Variants in TNR observed in about 807,000 individuals in gnomAD.
The protein encoded by TNR is tenascin-R.
In TNR, 45 loss-of-function variants were observed where a neutral mutation model predicts 150.4. That is an observed-to-expected ratio of 0.30 (90% CI 0.24 to 0.38). TNR has a LOEUF of 0.38. Among genes scored for constraint, TNR ranks in the 10% least tolerant of loss-of-function variants. The pLI is 1.00. For missense variants in TNR, 1,544 were observed against 1,759.1 expected (o/e 0.88, Z 2.19); for synonymous variants, 687 against 678.4 (o/e 1.01, Z -0.20).
At chr1:175,696,823 G>A (rs1366413131) in intron 1 of TNR, among the ~76,000 whole-genome samples, 1 of 151,508 alleles carries the variant, frequency 6.6e-6, no homozygotes, top group Non-Finnish European at 1.5e-5. Flanking sequence ...AGGTTACAGT[G>A]GGCCGAGATC....
chr1:175,617,336 G>T (rs74433552), intron 1 of TNR, among the ~76,000 whole-genome samples: 1 of 152,194 alleles, frequency 6.6e-6, no homozygotes, highest in African/African-American at 2.4e-5. Flanking sequence ...TTAGTCAGAC[G>T]TGAGTGTCTG....
At chr1:175,438,539 CA>C (rs1490182651) in intron 2 of TNR, among the ~76,000 whole-genome samples, 1 of 151,998 alleles carries the variant, frequency 6.6e-6, no homozygotes, top group Non-Finnish European at 1.5e-5. Context: ...GGCAATCAGG[CA>C]GGAGAAGGAA....
At chr1:175,648,658 T>C (rs981193518) in intron 1 of TNR, among the ~76,000 whole-genome samples, 3 of 152,112 alleles carry the variant, frequency 2.0e-5, no homozygotes, top group African/African-American at 7.2e-5. Flanking sequence ...AGAAGCCCTT[T>C]CTCCTTCTGT....
At chr1:175,428,541 A>T (rs559416574) in intron 2 of TNR, among the ~76,000 whole-genome samples, 13 of 152,348 alleles carry the variant, frequency 8.5e-5, no homozygotes, top group Admixed American at 6.5e-5. Flanking sequence ...TATTATTGTC[A>T]TCTTCATATT....
intron 2 of TNR, among the ~76,000 whole-genome samples, chr1:175,472,983 G>A (rs969928517): frequency 6.6e-6 from 1 of 152,196 alleles, no homozygotes; most frequent in Non-Finnish European, 1.5e-5. Flanking sequence ...AGAATAGAAG[G>A]CTTTGGAGCA....
At position 175,391,326 on chromosome 1, in the gene TNR, T is replaced by C; in HGVS notation, c.1469A>G (p.Gln490Arg). 1 of 1,614,168 alleles carries C rather than the reference T, an allele frequency of 6.2e-7. No individual in the cohort carries two copies. Among genetic ancestry groups the C allele is most frequent in the East Asian group, 2.2e-5 (1 of 44,882 alleles). The change falls in exon 7 of 23, where the codon CAG becomes CGG. Residue 490 changes from glutamine (Q) to arginine (R), a missense_variant. Transcript: ENST00000367674. The stretch of plus-strand genomic sequence containing the variant: ...GGCCGAGGTAGGGGGGCTGCGGGCC[T>C]GTTCTTTCAGAGCCACCACATTGAC... ...YIVNVVALKE[Q>R]ARSPPTSASV...
At chr1:175,626,931 G>C (rs1252111040) in intron 1 of TNR, among the ~76,000 whole-genome samples, 1 of 152,166 alleles carries the variant, frequency 6.6e-6, no homozygotes, top group African/African-American at 2.4e-5. Flanking sequence ...AGTTAAGATT[G>C]CAGTGATGTC....
At chr1:175,495,872 C>T (rs535555239) in intron 2 of TNR, among the ~76,000 whole-genome samples, 21 of 152,304 alleles carry the variant, frequency 1.4e-4, no homozygotes, top group African/African-American at 4.3e-4. Context: ...TGTATCTTTT[C>T]GAATTCATTC....
chr1:175,474,358 A>C lies in TNR; in HGVS notation c.-64+53911T>G, dbSNP rs181130951. On this transcript the variant is annotated intron_variant, in intron 2 of 22. Coordinates refer to ENST00000367674, the MANE Select transcript of TNR (RefSeq NM_003285.3). ...TCTAAGAGGAGATCAGGGCATCCAG[A>C]GGCACCAGGGGTGCATGTGCACAGT... Among the ~76,000 whole-genome samples the C allele has an allele frequency of 1.0e-3, 154 of 152,264 alleles. 2 individuals are homozygous for C. The highest frequency in any genetic ancestry group is 3.1e-3 in the African/African-American group (130 of 41,548).
intron 2 of TNR, among the ~76,000 whole-genome samples, chr1:175,412,763 A>T (rs1448451344): frequency 6.6e-6 from 1 of 152,202 alleles, no homozygotes; most frequent in African/African-American, 2.4e-5. Flanking sequence ...GAGAAAGAAG[A>T]TAGAATGAAT....
chr1:175,726,452 G>A (rs1667483019), intron 1 of TNR, among the ~76,000 whole-genome samples: 1 of 152,224 alleles, frequency 6.6e-6, no homozygotes, highest in Non-Finnish European at 1.5e-5. Flanking sequence ...AAGTAAAGTT[G>A]CATCTCAGAT....
chr1:175,625,625 A>G (rs1664128216), intron 1 of TNR, among the ~76,000 whole-genome samples: 1 of 152,238 alleles, frequency 6.6e-6, no homozygotes, highest in Admixed American at 6.5e-5. Flanking sequence ...CCTGTTCTCA[A>G]TAGAGAATGT....
chr1:175,595,715 C>A (rs1453389022), intron 1 of TNR, among the ~76,000 whole-genome samples: 1 of 152,098 alleles, frequency 6.6e-6, no homozygotes, highest in Non-Finnish European at 1.5e-5. Context: ...TGTCATGGAA[C>A]AGAAAGGGTA....
At chr1:175,404,311 C>T (rs1293797975) in intron 3 of TNR, among the ~76,000 whole-genome samples, 1 of 152,124 alleles carries the variant, frequency 6.6e-6, no homozygotes, top group Non-Finnish European at 1.5e-5. Flanking sequence ...TCGCTCCCTC[C>T]CTGCCTGCCA....
Position 175,429,609 on chromosome 1 carries a change from C to T in TNR, c.-63-22832G>A, listed in dbSNP as rs115393995. On this transcript the variant is annotated intron_variant, in intron 2 of 22. Transcript: ENST00000367674. Reference sequence around the variant, plus strand: ...CATGCAGAGAATCCTGAATGTAAAACCAAAGGGCCTTCTTTTAAATAGCAT... The same window carrying T: ...CATGCAGAGAATCCTGAATGTAAAATCAAAGGGCCTTCTTTTAAATAGCAT... 4.7e-3 allele frequency among the ~76,000 whole-genome samples: 720 copies of T among 152,252 alleles called. 3 individuals carry two copies. Among genetic ancestry groups the T allele is most frequent in the African/African-American group, 0.016 (685 of 41,544 alleles).
chr1:175,525,457 C>T (rs765129495), intron 2 of TNR, among the ~76,000 whole-genome samples: 17 of 152,162 alleles, frequency 1.1e-4, no homozygotes, highest in Non-Finnish European at 1.9e-4. Flanking sequence ...AGTTTTACCA[C>T]GCAGGAAAGC....
chr1:175,406,711 C>G lies in TNR; in HGVS notation c.4G>C (p.Gly2Arg). 6.2e-7 allele frequency: 1 copy of G among 1,613,552 alleles called. No homozygotes were observed. The highest frequency in any genetic ancestry group is 8.5e-7 in the Non-Finnish European group (1 of 1,179,668). Residue 2 changes from glycine (G) to arginine (R), a missense_variant, in exon 3 of 23, where the codon GGG (glycine) becomes CGG (arginine). By Grantham distance (125) the Gly-to-Arg change is moderately radical. Coordinates refer to ENST00000367674, the MANE Select transcript of TNR (RefSeq NM_003285.3). ...AGAACCACTGTTTCCCCATCTGCCCCCATCCTCTCAGCCAGAGATCTGGGT... is the reference window on the plus strand; with the variant it reads ...AGAACCACTGTTTCCCCATCTGCCCGCATCCTCTCAGCCAGAGATCTGGGT... M[G>R]ADGETVVLKN...
intron 1 of TNR, among the ~76,000 whole-genome samples, chr1:175,736,819 GC>G (rs1667785348): frequency 6.6e-6 from 1 of 151,736 alleles, no homozygotes; most frequent in Non-Finnish European, 1.5e-5. Flanking sequence ...TTCAAGACCA[GC>G]CTGGGCAATA....
intron 2 of TNR, among the ~76,000 whole-genome samples, chr1:175,494,642 T>C (rs1334519850): frequency 1.3e-5 from 2 of 152,198 alleles, no homozygotes; most frequent in Admixed American, 6.5e-5. Context: ...TGTATTTATA[T>C]GTCTGGCTAT....
Sources: gnomAD v4.1 joint callset for allele counts (sites outside exome capture counted in the v4.1 genomes callset) on GRCh38, gnomAD v4.1.1 for gene constraint, MANE v1.5 for transcripts, NCBI Gene and HGNC (gene_info 2026-07-23, HGNC 2026-07-21) for gene names.